The following CST8 variants were observed in gnomAD, a reference collection of about 807,000 sequenced individuals.
CST8 encodes cystatin 8.
Under a neutral mutation model 11.8 loss-of-function variants are expected in CST8, and 20 were observed. The observed-to-expected ratio is 1.70, with a 90% CI of 1.20 to 2.47. The LOEUF (loss-of-function observed/expected upper bound fraction) is 2.47, where lower values mean the gene tolerates loss of function less well. CST8 is among the 30% of genes most tolerant of loss of function. The pLI is 0.00. For missense variants in CST8, 196 were observed against 167.2 expected (o/e 1.17, Z -0.95); for synonymous variants, 77 against 63.1 (o/e 1.22, Z -1.05).
In CST8 at chr20:23,496,009, C is replaced by T. The variant is rs1219846061; in HGVS notation, c.*95C>T. The T allele has an allele frequency of 1.1e-6, 1 of 917,942 alleles. No homozygotes were observed. Among genetic ancestry groups the T allele is most frequent in the East Asian group, 2.5e-5 (1 of 40,774 alleles). The allele number at this position is 917,942 out of a possible 1,614,324, so 56.9% of individuals were successfully genotyped here. A position where few individuals can be genotyped will look rare whatever the true frequency, so the allele number is the denominator to read the frequency against. On this transcript the variant is annotated 3_prime_UTR_variant, in exon 4 of 4. Transcript: ENST00000246012. ...GAGGCTCTTCCCAATGTGCTTTCTTCATGCATGCCTCTCTGCTTGGTGTTT... is the reference window on the plus strand; with the variant it reads ...GAGGCTCTTCCCAATGTGCTTTCTTTATGCATGCCTCTCTGCTTGGTGTTT...
At chr20:23,505,139 C>CTTTTT in the CST8 span, among the ~76,000 whole-genome samples, 49 of 82,006 alleles carry the variant, frequency 6.0e-4, no homozygotes, top group African/African-American at 1.5e-3. Flanking sequence ...AAGAAGCATT[C>CTTTTT]TTTTTTTTTT....
In CST8 at chr20:23,491,769, A is replaced by G; in HGVS notation, c.102A>G (p.Lys34=). ...PKKNETGVLR[K]LKPVNASNAN... is the part of the protein sequence containing the mutation. ...AGAATGAGACAGGGGTGCTGAGGAA[A>G]TTAAAACCCGTCAATGCCTCAAATG... Residue 34 remains lysine, a synonymous_variant, in exon 2 of 4, where the codon AAA becomes AAG. Coordinates refer to ENST00000246012, the MANE Select transcript of CST8 (RefSeq NM_005492.4). The G allele has an allele frequency of 6.2e-7, 1 of 1,614,132 alleles. No homozygotes were observed. The highest frequency in any genetic ancestry group is 8.5e-7 in the Non-Finnish European group (1 of 1,179,968).
At chr20:23,494,215 G>T (rs183580447) in intron 3 of CST8, among the ~76,000 whole-genome samples, 13 of 152,180 alleles carry the variant, frequency 8.5e-5, no homozygotes, top group Non-Finnish European at 1.5e-4. Flanking sequence ...TAGGAATATG[G>T]TTGCTTTAAA....
chr20:23,500,755 G>T (rs2122217850), downstream of CST8, among the ~76,000 whole-genome samples: 1 of 150,682 alleles, frequency 6.6e-6, no homozygotes, highest in Middle Eastern at 3.4e-3. Flanking sequence ...GTGGTGGGGT[G>T]GCTGGGTGGG....
downstream of CST8, among the ~76,000 whole-genome samples, chr20:23,500,094 A>G (rs952271240): frequency 2.0e-5 from 3 of 151,928 alleles, no homozygotes; most frequent in Non-Finnish European, 4.4e-5. Context: ...GGTGCCAGGC[A>G]CATTTTAACA....
At chr20:23,496,342 G>A (rs1006098442), downstream of CST8, among the ~76,000 whole-genome samples, 1 of 152,040 alleles carries the variant, frequency 6.6e-6, no homozygotes, top group Non-Finnish European at 1.5e-5. Flanking sequence ...CTGGGTGTCC[G>A]GGGGAGACAT....
chr20:23,495,709 G>A (rs1005988999), intron 3 of CST8, 122 bp from the exon 4 acceptor site: 62 of 718,242 alleles, frequency 8.6e-5, no homozygotes, highest in Middle Eastern at 7.3e-4. Context: ...TCGCTCGAGA[G>A]TGGTGACCCA....
downstream of CST8, among the ~76,000 whole-genome samples, chr20:23,499,769 G>C (rs958444069): frequency 6.6e-6 from 1 of 152,232 alleles, no homozygotes; most frequent in African/African-American, 2.4e-5. Flanking sequence ...CAGGAATTCA[G>C]CTGAGGACAA....
At chr20:23,493,108 A>T in intron 3 of CST8, 37 bp downstream of exon 3, 1 of 1,259,094 alleles carries the variant, frequency 7.9e-7, no homozygotes. Flanking sequence ...CGGCCTAGGC[A>T]GCTCTGAACC....
the CST8 span, among the ~76,000 whole-genome samples, chr20:23,504,365 C>T: frequency 1.3e-5 from 2 of 152,178 alleles, no homozygotes; most frequent in Non-Finnish European, 2.9e-5. Flanking sequence ...TCCGCCCACT[C>T]CTTGTCCCCT....
At chr20:23,498,394 G>A (rs143055843), downstream of CST8, among the ~76,000 whole-genome samples, 976 of 152,290 alleles carry the variant, frequency 6.4e-3, 13 homozygotes, top group African/African-American at 0.021. Flanking sequence ...GAGAAGCCAG[G>A]TTTTATCTCC....
At chr20:23,499,127 C>A, downstream of CST8, among the ~76,000 whole-genome samples, 1 of 152,194 alleles carries the variant, frequency 6.6e-6, no homozygotes, top group Non-Finnish European at 1.5e-5. Flanking sequence ...AGCTTGGATG[C>A]AATACAGTGG....
At chr20:23,492,819 C>T (rs1226035914) in intron 2 of CST8, 139 bp from the exon 3 acceptor site, 3 of 676,892 alleles carry the variant, frequency 4.4e-6, no homozygotes, top group East Asian at 2.5e-5. Flanking sequence ...GGCATCTTAG[C>T]CTTCCGCTAA....
the CST8 span, among the ~76,000 whole-genome samples, chr20:23,501,693 A>T: frequency 2.6e-5 from 4 of 152,250 alleles, no homozygotes; most frequent in Admixed American, 2.6e-4. Context: ...GATCCTGCCC[A>T]GGGAAGAGAG....
At chr20:23,500,836 T>C (rs1988165984), downstream of CST8, among the ~76,000 whole-genome samples, 1 of 151,954 alleles carries the variant, frequency 6.6e-6, no homozygotes, top group Admixed American at 6.6e-5. Context: ...AAGGGGACTG[T>C]TTTACTCCCA....
the CST8 span, among the ~76,000 whole-genome samples, chr20:23,504,786 T>G: frequency 6.6e-6 from 1 of 152,044 alleles, no homozygotes; most frequent in Non-Finnish European, 1.5e-5. Context: ...TCTGGCAAAA[T>G]GGAGAGACAG....
At position 23,491,267 on chromosome 20, in the gene CST8, C is replaced by T. The variant is rs76662912; in HGVS notation, c.-219C>T. 2,332 of 187,534 alleles carry T rather than the reference C, an allele frequency of 0.012. 39 individuals carry two copies. The highest frequency in any genetic ancestry group is 0.05 in the African/African-American group (2,129 of 42,438). 11.6% of individuals were successfully genotyped at this position (187,534 alleles called of 1,614,324 possible). A position where few individuals can be genotyped will look rare whatever the true frequency, so the allele number is the denominator to read the frequency against. ...CCACCAAGGGCTGAGGCCACAAGGCCTCTGGGGCAGCCACAGTTTTCATGA... is the reference window on the plus strand; with the variant it reads ...CCACCAAGGGCTGAGGCCACAAGGCTTCTGGGGCAGCCACAGTTTTCATGA... On this transcript the variant is annotated 5_prime_UTR_variant, in exon 1 of 4. Transcript: ENST00000246012.
the CST8 span, among the ~76,000 whole-genome samples, chr20:23,501,589 C>A: frequency 6.6e-6 from 1 of 152,204 alleles, no homozygotes; most frequent in Non-Finnish European, 1.5e-5. Flanking sequence ...GATGGACATG[C>A]ACCTTGGCCC....
the CST8 span, among the ~76,000 whole-genome samples, chr20:23,505,698 A>C: frequency 6.6e-6 from 1 of 152,136 alleles, no homozygotes; most frequent in Non-Finnish European, 1.5e-5. Context: ...GGAAAATGAG[A>C]TGTCCTCCAT....
Sources: allele counts gnomAD v4.1 joint callset (sites outside exome capture counted in the v4.1 genomes callset), GRCh38; gene constraint gnomAD v4.1.1; transcripts MANE v1.5; gene names NCBI Gene and HGNC (gene_info 2026-07-23, HGNC 2026-07-21).